EDEM3: variants seen among roughly 807,000 people sequenced by gnomAD.
EDEM3 encodes ER degradation-enhancing alpha-mannosidase-like protein 3.
In EDEM3, 60 loss-of-function variants were observed where a neutral mutation model predicts 110.2. The ratio of observed to expected loss-of-function variants is 0.54; its 90% CI spans 0.44 to 0.67. The LOEUF (loss-of-function observed/expected upper bound fraction) is 0.67, where lower values mean the gene tolerates loss of function less well. Ranked by LOEUF, EDEM3 falls within the 30% of genes least tolerant of loss-of-function variation. The pLI, the probability that EDEM3 is intolerant of heterozygous loss-of-function variation, is 0.00. For synonymous variants in EDEM3, 352 were observed against 382.9 expected (o/e 0.92, Z 0.94); for missense variants, 996 against 1,121.0 (o/e 0.89, Z 1.59).
Position 184,723,865 on chromosome 1 carries a change from T to TAAAAAA in EDEM3, c.748-15_748-10dup, listed in dbSNP as rs71101940. The TAAAAAA allele has an allele frequency of 4.6e-5, 50 of 1,090,964 alleles. No homozygotes were observed. Among genetic ancestry groups the TAAAAAA allele is most frequent in the South Asian group, 1.3e-4 (7 of 52,040 alleles). The allele number at this position is 1,090,964 out of a possible 1,614,324, so 67.6% of individuals were successfully genotyped here. ...GCTTTTCTGGCATATTCCTGTAATT[T>TAAAAAA]AAAAAAAAAAAAAAAAAAAAGAAGT... On this transcript the variant is annotated splice_polypyrimidine_tract_variant and intron_variant, in intron 7 of 19. Transcript: ENST00000318130.
Position 184,692,593 on chromosome 1 carries a change from T to G in EDEM3, c.*1470A>C, listed in dbSNP as rs1275258354. 6.6e-6 allele frequency: 1 copy of G among 152,116 alleles called. No homozygotes were observed. The highest frequency in any genetic ancestry group is 2.4e-5 in the African/African-American group (1 of 41,444). The allele number at this position is 152,116 out of a possible 1,614,324, so 9.4% of individuals were successfully genotyped here. On this transcript the variant is annotated 3_prime_UTR_variant, in exon 20 of 20. Coordinates refer to ENST00000318130, the MANE Select transcript of EDEM3 (RefSeq NM_025191.4). Reference sequence around the variant, plus strand: ...TGTTTTAGGAAAAAGTTTTGTGTAATGTTATGGTAAAGAGAAGAAAATTAT... The same window carrying G: ...TGTTTTAGGAAAAAGTTTTGTGTAAGGTTATGGTAAAGAGAAGAAAATTAT...
intron 4 of EDEM3, among the ~76,000 whole-genome samples, chr1:184,736,424 C>T (rs1014519155): frequency 1.3e-5 from 2 of 152,036 alleles, no homozygotes; most frequent in African/African-American, 4.8e-5. Context: ...TCACAAAAGC[C>T]TACTTTTATA....
At position 184,702,892 on chromosome 1, in the gene EDEM3, T is replaced by C. The variant is rs1649706453; in HGVS notation, c.2308A>G (p.Lys770Glu). 1.1e-5 allele frequency: 18 copies of C among 1,613,700 alleles called. No homozygotes were observed. The highest frequency in any genetic ancestry group is 1.5e-5 in the Non-Finnish European group (18 of 1,179,794). The change falls in exon 19 of 20, where the codon AAA (lysine) becomes GAA (glutamate). Residue 770 changes from lysine to glutamate, a missense_variant. Coordinates refer to ENST00000318130, the MANE Select transcript of EDEM3 (RefSeq NM_025191.4). ...IKIPMLFLFS[K>E]EGSIILDAIR... Reference sequence around the variant, plus strand: ...GCATCCAGTATGATACTTCCTTCTTTGCTGAATAAGAACAGCATGGGGATC... The same window carrying C: ...GCATCCAGTATGATACTTCCTTCTTCGCTGAATAAGAACAGCATGGGGATC...
intron 9 of EDEM3, among the ~76,000 whole-genome samples, chr1:184,720,079 C>T (rs1650798275): frequency 2.0e-5 from 3 of 152,296 alleles, no homozygotes; most frequent in African/African-American, 7.2e-5. Context: ...TTAGAAAACT[C>T]TTTTTCCCTT....
intron 2 of EDEM3, among the ~76,000 whole-genome samples, chr1:184,745,093 C>T (rs1208869152): frequency 2.6e-5 from 4 of 152,036 alleles, no homozygotes; most frequent in South Asian, 4.1e-4. Context: ...GAATTGTGCA[C>T]TCAATTTGAA....
intron 18 of EDEM3, among the ~76,000 whole-genome samples, chr1:184,703,727 T>A (rs960599245): frequency 1.3e-5 from 2 of 152,240 alleles, no homozygotes. Context: ...TCATAGGACC[T>A]GCTAAGTGCA....
rs753838363 is a variant in EDEM3, at chr1:184,710,520, T to G, written c.1719A>C (p.Lys573Asn). Reference sequence around the variant, plus strand: ...TGAAATCTCTGGCTCTCAGAGGGGGTTTAGCTCCACTCCTGAAACTCTCCT... The same window carrying G: ...TGAAATCTCTGGCTCTCAGAGGGGGGTTAGCTCCACTCCTGAAACTCTCCT... ...RVEESFRSGA[K>N]PPLRARDFMA... The change falls in exon 16 of 20, where the codon AAA (lysine) becomes AAC (asparagine). Residue 573 changes from lysine to asparagine, a missense_variant. Lys to Asn is a moderately conservative substitution (Grantham distance 94). Around this residue, in one of 5 missense-constraint regions of EDEM3, gnomAD observed 138 missense variants for 124.3 expected, o/e 1.11. Coordinates refer to ENST00000318130, the MANE Select transcript of EDEM3 (RefSeq NM_025191.4). The G allele has an allele frequency of 5.6e-6, 9 of 1,613,298 alleles. No homozygotes were observed. The highest frequency in any genetic ancestry group is 7.6e-6 in the Non-Finnish European group (9 of 1,179,568).
In EDEM3 at chr1:184,744,270, A is replaced by C. The variant is rs988606629; in HGVS notation, c.204+5277T>G. 7.4e-3 allele frequency among the ~76,000 whole-genome samples: 871 copies of C among 118,286 alleles called. 15 individuals carry two copies. The highest frequency in any genetic ancestry group is 9.1e-3 in the Non-Finnish European group (505 of 55,556). 77.6% of individuals were successfully genotyped at this position (118,286 alleles called of 152,430 possible). On this transcript the variant is annotated intron_variant, in intron 2 of 19. Coordinates refer to ENST00000318130, the MANE Select transcript of EDEM3 (RefSeq NM_025191.4). ...GACAAATATATATATATATATATAT[A>C]TATATATATATATATATATATATGA...
At chr1:184,713,481 TG>T (rs1396660472) in intron 13 of EDEM3, among the ~76,000 whole-genome samples, 1 of 152,182 alleles carries the variant, frequency 6.6e-6, no homozygotes, top group Non-Finnish European at 1.5e-5. Context: ...AAAGCATAGC[TG>T]GTAGATGGAG....
intron 13 of EDEM3, among the ~76,000 whole-genome samples, chr1:184,715,557 T>C (rs1410048563): frequency 6.6e-6 from 1 of 152,166 alleles, no homozygotes; most frequent in Non-Finnish European, 1.5e-5. Context: ...TATAACATCA[T>C]TGTCAAGAGC....
chr1:184,717,098 C>T (rs1650595359), intron 12 of EDEM3, 86 bp from the exon 13 acceptor site: 1 of 1,134,274 alleles, frequency 8.8e-7, no homozygotes, highest in Non-Finnish European at 1.2e-6. Flanking sequence ...TATTGAGTAC[C>T]TACTAGGTGC....
At chr1:184,732,719 T>C in intron 6 of EDEM3, 118 bp downstream of exon 6, 1 of 1,011,024 alleles carries the variant, frequency 9.9e-7, no homozygotes, top group East Asian at 2.7e-5. Context: ...TATATAGCTT[T>C]GAAGCATTTT....
chr1:184,754,372 G>T (rs377469556), intron 1 of EDEM3, 117 bp downstream of exon 1: 6 of 1,487,528 alleles, frequency 4.0e-6, no homozygotes, highest in East Asian at 4.8e-5. Flanking sequence ...TCTCGCGCGG[G>T]AAGAGCCGTT....
chr1:184,745,672 T>G (rs1021528512), intron 2 of EDEM3, among the ~76,000 whole-genome samples: 4 of 152,158 alleles, frequency 2.6e-5, no homozygotes, highest in Non-Finnish European at 5.9e-5. Flanking sequence ...TTGAAAGAGT[T>G]CCTTTGGTTT....
chr1:184,728,381 A>G (rs1188790671), intron 6 of EDEM3, among the ~76,000 whole-genome samples: 3 of 152,230 alleles, frequency 2.0e-5, no homozygotes, highest in Non-Finnish European at 2.9e-5. Flanking sequence ...AGAAAAGAAT[A>G]AACATCTCTG....
In EDEM3 at chr1:184,726,356, C is replaced by T. The variant is rs143845581; in HGVS notation, c.646G>A (p.Ala216Thr). 6.2e-7 allele frequency: 1 copy of T among 1,613,512 alleles called. No homozygotes were observed. The highest frequency in any genetic ancestry group is 1.7e-5 in the Admixed American group (1 of 59,980). The change falls in exon 7 of 20, where the codon GCT becomes ACT. Residue 216 changes from alanine to threonine, a missense_variant. By Grantham distance (58) the Ala-to-Thr change is moderately conservative (BLOSUM62 0). This residue lies in a region of EDEM3 where 310 missense variants were observed against 394.6 expected (regional missense o/e 0.79). Coordinates refer to ENST00000318130, the MANE Select transcript of EDEM3 (RefSeq NM_025191.4). ...GTATCTGTCTCAGTTCCTGTCCGAG[C>T]TTCTGGTTTTCTGATGCCAAACTTT... ...NLKFGIRKPE[A>T]RTGTETDTCT...
intron 2 of EDEM3, among the ~76,000 whole-genome samples, chr1:184,742,598 A>G (rs1652204102): frequency 6.6e-6 from 1 of 152,200 alleles, no homozygotes; most frequent in South Asian, 2.1e-4. Flanking sequence ...CAAGTTGGCC[A>G]GGCTGGTTTT....
chr1:184,731,882 A>C (rs1258005471), intron 6 of EDEM3, among the ~76,000 whole-genome samples: 1 of 152,224 alleles, frequency 6.6e-6, no homozygotes. Context: ...ATGTTAAATG[A>C]AATAAGCCAG....
At chr1:184,722,471 C>T (rs1650958682) in intron 8 of EDEM3, among the ~76,000 whole-genome samples, 1 of 151,904 alleles carries the variant, frequency 6.6e-6, no homozygotes, top group Admixed American at 6.5e-5. Context: ...TGAATGAATA[C>T]ACAAGATGAC....
Sources: allele counts gnomAD v4.1 joint callset (sites outside exome capture counted in the v4.1 genomes callset), GRCh38; gene constraint gnomAD v4.1.1; regional missense constraint gnomAD v4.1.1; transcripts MANE v1.5; gene names NCBI Gene and HGNC (gene_info 2026-07-23, HGNC 2026-07-21).